The following GRB10 variants were observed in gnomAD, a reference collection of about 807,000 sequenced individuals.
GRB10 encodes the protein growth factor receptor-bound protein 10.
In GRB10, 20 loss-of-function variants were observed where a neutral mutation model predicts 80.9. The ratio of observed to expected loss-of-function variants is 0.25; its 90% CI spans 0.17 to 0.36. The LOEUF (loss-of-function observed/expected upper bound fraction) is 0.36, where lower values mean the gene tolerates loss of function less well. Ranked by LOEUF, GRB10 falls within the 10% of genes least tolerant of loss-of-function variation. The pLI is 1.00. For missense variants in GRB10, 548 were observed against 747.7 expected, an observed-to-expected ratio of 0.73 and a Z score of 3.12; for synonymous variants, 291 against 291.5, an observed-to-expected ratio of 1.00 and a Z score of 0.02.
intron 7 of GRB10, among the ~76,000 whole-genome samples, chr7:50,659,543 G>A (rs567696852): frequency 6.6e-6 from 1 of 152,368 alleles, no homozygotes; most frequent in South Asian, 2.1e-4. Flanking sequence ...ACGCAGGGCT[G>A]CTCCCAGGTC....
rs919779715 is a variant in GRB10, at chr7:50,740,710, T to G, written c.-46-8342A>C. Reference sequence around the variant, plus strand: ...AATTCTTTAAACATCAAAGGGAAAATAGATGAAGACACATTCATTCGAAAC... The same window carrying G: ...AATTCTTTAAACATCAAAGGGAAAAGAGATGAAGACACATTCATTCGAAAC... On this transcript the variant is annotated intron_variant, in intron 3 of 18. Transcript: ENST00000401949. 2.0e-5 allele frequency among the ~76,000 whole-genome samples: 3 copies of G among 150,194 alleles called. No homozygotes were observed. The South Asian group carries it at 6.3e-4, about 31-fold the overall frequency.
At chr7:50,639,380 AG>A (rs1308073631) in intron 7 of GRB10, among the ~76,000 whole-genome samples, 1 of 152,272 alleles carries the variant, frequency 6.6e-6, no homozygotes, top group Non-Finnish European at 1.5e-5. Flanking sequence ...AGTTCTTGAA[AG>A]TCAAGCATGG....
At chr7:50,665,629 G>A (rs1283792144) in intron 7 of GRB10, among the ~76,000 whole-genome samples, 2 of 152,206 alleles carry the variant, frequency 1.3e-5, no homozygotes, top group East Asian at 3.9e-4. Context: ...GCCACCCCAC[G>A]TGGGGGTAGC....
chr7:50,750,377 A>C (rs1409397926), intron 3 of GRB10, among the ~76,000 whole-genome samples: 2 of 152,222 alleles, frequency 1.3e-5, no homozygotes, highest in Non-Finnish European at 2.9e-5. Context: ...CTGGACAAAG[A>C]CCAAAATAAA....
intron 8 of GRB10, among the ~76,000 whole-genome samples, chr7:50,625,789 C>T (rs1042341527): frequency 6.6e-5 from 10 of 152,220 alleles, no homozygotes; most frequent in Non-Finnish European, 1.2e-4. Context: ...AAAACAGAGA[C>T]TTAAGGTGGT....
intron 5 of GRB10, among the ~76,000 whole-genome samples, chr7:50,680,991 T>C (rs1028709430): frequency 4.6e-5 from 7 of 152,192 alleles, no homozygotes; most frequent in Non-Finnish European, 8.8e-5. Context: ...ATTCTACAGA[T>C]AACACAAAAT....
intron 5 of GRB10, among the ~76,000 whole-genome samples, chr7:50,686,405 T>C (rs1237721126): frequency 1.3e-5 from 2 of 152,206 alleles, no homozygotes; most frequent in Non-Finnish European, 2.9e-5. Context: ...ACCCAATTGA[T>C]GGCATTTTCT....
At chr7:50,753,738 A>C (rs568505523) in intron 3 of GRB10, among the ~76,000 whole-genome samples, 1 of 152,310 alleles carries the variant, frequency 6.6e-6, no homozygotes, top group East Asian at 1.9e-4. Flanking sequence ...TCAAAGACTA[A>C]GTGGGAAACG....
chr7:50,713,373 G>C (rs2066212195), intron 4 of GRB10, among the ~76,000 whole-genome samples: 2 of 150,246 alleles, frequency 1.3e-5, no homozygotes, highest in African/African-American at 4.9e-5. Context: ...TGCCACATCA[G>C]CTCCTCCTCT....
chr7:50,720,964 C>T (rs1029135744), intron 4 of GRB10, among the ~76,000 whole-genome samples: 2 of 150,838 alleles, frequency 1.3e-5, no homozygotes, highest in African/African-American at 2.5e-5. Flanking sequence ...AGGAAATTGT[C>T]GCAATAAATA....
chr7:50,598,131 T>C (rs1183755428), intron 17 of GRB10, among the ~76,000 whole-genome samples: 1 of 152,200 alleles, frequency 6.6e-6, no homozygotes, highest in Non-Finnish European at 1.5e-5. Flanking sequence ...CCCAAAGTGC[T>C]GGGATTACAG....
At chr7:50,709,865 G>C (rs2065628182) in intron 4 of GRB10, among the ~76,000 whole-genome samples, 1 of 151,988 alleles carries the variant, frequency 6.6e-6, no homozygotes, top group Non-Finnish European at 1.5e-5. Context: ...GCCCATGATG[G>C]GGGACCCAGG....
intron 5 of GRB10, among the ~76,000 whole-genome samples, chr7:50,697,153 AATT>A (rs2063536939): frequency 6.6e-6 from 1 of 152,196 alleles, no homozygotes; most frequent in African/African-American, 2.4e-5. Flanking sequence ...GACTGGGGAG[AATT>A]ATTGCTTAAT....
At chr7:50,615,323 GCT>G (rs1283546531) in intron 11 of GRB10, among the ~76,000 whole-genome samples, 3 of 152,158 alleles carry the variant, frequency 2.0e-5, no homozygotes, top group African/African-American at 2.4e-5. Context: ...CTCCAGCCCA[GCT>G]CTGTTTCCTG....
rs560083809 is a variant in GRB10, at chr7:50,655,191, C to A, written c.504+14531G>T. 7.2e-5 allele frequency among the ~76,000 whole-genome samples: 11 copies of A among 152,258 alleles called. No homozygotes were observed. The South Asian group carries it at 2.1e-3, about 29-fold the overall frequency. The stretch of plus-strand genomic sequence containing the variant: ...AGATTAGCTGTAGAGATGCTGTGTC[C>A]CCCTGGGTGCCACAGCTCAGGAGCC... On this transcript the variant is annotated intron_variant, in intron 7 of 18. Transcript: ENST00000401949.
At chr7:50,764,965 A>T (rs931059951) in intron 2 of GRB10, among the ~76,000 whole-genome samples, 8 of 152,258 alleles carry the variant, frequency 5.3e-5, no homozygotes, top group Non-Finnish European at 1.0e-4. Context: ...GAGTTCAAAC[A>T]ATTCCATAGC....
intron 5 of GRB10, among the ~76,000 whole-genome samples, chr7:50,674,967 C>A (rs770111810): frequency 2.4e-4 from 37 of 152,316 alleles, no homozygotes; most frequent in South Asian, 1.0e-3. Flanking sequence ...TCCTCCCCAC[C>A]CCCTCCGGTA....
At chr7:50,763,097 G>A (rs189088625) in intron 2 of GRB10, among the ~76,000 whole-genome samples, 159 of 148,748 alleles carry the variant, frequency 1.1e-3, no homozygotes, top group African/African-American at 3.8e-3. Flanking sequence ...CACTCTGGGC[G>A]ACAGAGCAAG....
At chr7:50,623,959 C>CATTTCAG (rs949658160) in intron 8 of GRB10, among the ~76,000 whole-genome samples, 2 of 152,122 alleles carry the variant, frequency 1.3e-5, no homozygotes, top group Non-Finnish European at 2.9e-5. Flanking sequence ...GATTTTAGAG[C>CATTTCAG]ATTTCAGATT....
Sources: gnomAD v4.1 joint callset for allele counts (sites outside exome capture counted in the v4.1 genomes callset) on GRCh38, gnomAD v4.1.1 for gene constraint, MANE v1.5 for transcripts, NCBI Gene and HGNC (gene_info 2026-07-23, HGNC 2026-07-21) for gene names.